The following PCDHA7 variants were observed in gnomAD, a reference collection of about 807,000 sequenced individuals.
PCDHA7 encodes protocadherin alpha-7.
A neutral mutation model predicts 57.2 loss-of-function variants in PCDHA7; 37 were observed. That is an observed-to-expected ratio of 0.65 (90% CI 0.50 to 0.85). The LOEUF is 0.85. PCDHA7 is among the 40% of genes least tolerant of loss of function. The pLI is 0.00. For synonymous variants in PCDHA7, 553 were observed against 558.8 expected, an observed-to-expected ratio of 0.99 and a Z score of 0.15; for missense variants, 1,188 against 1,241.8, an observed-to-expected ratio of 0.96 and a Z score of 0.65.
intron 1 of PCDHA7, chr5:140,927,063 C>T: frequency 6.2e-7 from 1 of 1,611,332 alleles, no homozygotes; most frequent in Non-Finnish European, 8.5e-7. Flanking sequence ...ACTTTCGCTT[C>T]CTTTCCAGCC....
At chr5:140,850,520 G>T (rs782515896) in intron 1 of PCDHA7, 3 of 1,598,186 alleles carry the variant, frequency 1.9e-6, no homozygotes, top group South Asian at 1.1e-5. Context: ...GCGGCCAGGC[G>T]CCAAAGTCAT....
intron 1 of PCDHA7, chr5:140,857,926 C>G (rs1351185942): frequency 2.5e-6 from 4 of 1,597,606 alleles, no homozygotes; most frequent in East Asian, 2.2e-5. Flanking sequence ...TGGGGCTGTA[C>G]ACGGGCGAGA....
chr5:140,875,981 A>G lies in PCDHA7; in HGVS notation c.2355+39243A>G, dbSNP rs200521027. 1.0e-3 allele frequency: 1,684 copies of G among 1,614,052 alleles called. 3 individuals are homozygous for G. Among genetic ancestry groups the G allele is most frequent in the Admixed American group, 1.5e-3 (93 of 60,032 alleles). ...ATCGGCGTAAACTCTCTTTTGACCT[A>G]TGCGTTAAGTCTAAATGAGAATTTT... On this transcript the variant is annotated intron_variant, in intron 1 of 3. Transcript: ENST00000525929.
intron 1 of PCDHA7, chr5:140,969,073 G>A (rs781937942): frequency 1.4e-5 from 23 of 1,613,974 alleles, no homozygotes; most frequent in South Asian, 5.5e-5. Context: ...CCAGGATACC[G>A]CATGGCCTCA....
chr5:140,884,357 A>C, intron 1 of PCDHA7: 1 of 1,613,864 alleles, frequency 6.2e-7, no homozygotes. Context: ...GGTGGATGTC[A>C]ATGTTTACTT....
chr5:140,875,352 T>C lies in PCDHA7; in HGVS notation c.2355+38614T>C, dbSNP rs563345056. ...AATAGGATCGACTCCATAATGACTGTGATGCTGGAAAAAATTTACTAAATA... is the reference window on the plus strand; with the variant it reads ...AATAGGATCGACTCCATAATGACTGCGATGCTGGAAAAAATTTACTAAATA... On this transcript the variant is annotated intron_variant, in intron 1 of 3. Transcript: ENST00000525929. 15 of 1,445,236 alleles carry C rather than the reference T, an allele frequency of 1.0e-5. No individual in the cohort carries two copies. In the African/African-American group the frequency reaches 1.9e-4, roughly 18 times the overall value. The allele number at this position is 1,445,236 out of a possible 1,614,324, so 89.5% of individuals were successfully genotyped here.
At chr5:140,923,104 A>AT (rs2081172107) in intron 1 of PCDHA7, among the ~76,000 whole-genome samples, 1 of 152,194 alleles carries the variant, frequency 6.6e-6, no homozygotes, top group Admixed American at 6.5e-5. Context: ...TGGGAGTATG[A>AT]TTTTAAGTTT....
chr5:141,010,136 CTCTT>C lies in PCDHA7; in HGVS notation c.*203_*206del, dbSNP rs782073868. The C allele has an allele frequency of 1.9e-6, 3 of 1,594,824 alleles. No homozygotes were observed. Among genetic ancestry groups the C allele is most frequent in the Non-Finnish European group, 2.6e-6 (3 of 1,169,724 alleles). On this transcript the variant is annotated 3_prime_UTR_variant, in exon 4 of 4. Transcript: ENST00000525929. ...AAAGCTTTACTAAGTCTGGTGTTAACTCTTTCTCTCCACTCTGGCTTGTTTTCAG... is the reference window on the plus strand; with the variant it reads ...AAAGCTTTACTAAGTCTGGTGTTAACTCTCTCCACTCTGGCTTGTTTTCAG...
At chr5:140,849,723 G>A (rs1554143223) in intron 1 of PCDHA7, 1 of 1,598,414 alleles carries the variant, frequency 6.3e-7, no homozygotes. Flanking sequence ...GTTGGTGCTG[G>A]ACAGAGCTCT....
At chr5:140,862,912 C>T (rs1554157229) in intron 1 of PCDHA7, 1 of 550,038 alleles carries the variant, frequency 1.8e-6, no homozygotes, top group Non-Finnish European at 3.5e-6. Flanking sequence ...GCTGCTGGCG[C>T]CTTGGGTGGG....
intron 1 of PCDHA7, among the ~76,000 whole-genome samples, chr5:140,871,869 T>C (rs1230282991): frequency 6.6e-6 from 1 of 152,230 alleles, no homozygotes; most frequent in Non-Finnish European, 1.5e-5. Context: ...TATGGATTAT[T>C]TAAATTTGCT....
chr5:140,843,097 G>T, intron 1 of PCDHA7: 1 of 1,595,704 alleles, frequency 6.3e-7, no homozygotes, highest in South Asian at 1.1e-5. Flanking sequence ...ACGTGGTAGC[G>T]AAGGTGCGCG....
chr5:140,933,314 G>A (rs925777839), intron 1 of PCDHA7, among the ~76,000 whole-genome samples: 2 of 151,914 alleles, frequency 1.3e-5, no homozygotes, highest in Non-Finnish European at 2.9e-5. Flanking sequence ...ATGCAATCTC[G>A]TATTCTCCTG....
At chr5:140,846,097 A>T (rs1554141144) in intron 1 of PCDHA7, among the ~76,000 whole-genome samples, 4 of 149,760 alleles carry the variant, frequency 2.7e-5, no homozygotes, top group Non-Finnish European at 1.5e-5. Flanking sequence ...CCTTCCAAGG[A>T]ATGTGTAGAC....
intron 1 of PCDHA7, among the ~76,000 whole-genome samples, chr5:140,924,578 T>C (rs80037494): frequency 0.013 from 2,025 of 152,202 alleles, 55 homozygotes; most frequent in Admixed American, 0.052. Flanking sequence ...TTAAATGTTT[T>C]CAAATATTAT....
At chr5:140,957,799 TA>T (rs1430681763) in intron 1 of PCDHA7, among the ~76,000 whole-genome samples, 2 of 152,032 alleles carry the variant, frequency 1.3e-5, no homozygotes, top group African/African-American at 2.4e-5. Context: ...ATATGTTAAG[TA>T]AAAAAAAGTC....
intron 1 of PCDHA7, chr5:140,875,950 G>A: frequency 6.2e-7 from 1 of 1,614,166 alleles, no homozygotes; most frequent in South Asian, 1.1e-5. Flanking sequence ...CGCTTCTGAT[G>A]CGGATATCGG....
chr5:140,847,399 C>T lies in PCDHA7; in HGVS notation c.2355+10661C>T, dbSNP rs114287755. On this transcript the variant is annotated intron_variant, in intron 1 of 3. Coordinates refer to ENST00000525929, the MANE Select transcript of PCDHA7 (RefSeq NM_018910.3). Reference sequence around the variant, plus strand: ...TAAATATGCAAAAACATTAATGGCACAATAAACACTCACGGTTTTGCCTTT... The same window carrying T: ...TAAATATGCAAAAACATTAATGGCATAATAAACACTCACGGTTTTGCCTTT... 2.4e-3 allele frequency: 361 copies of T among 149,562 alleles called. 12 individuals are homozygous for T. Among genetic ancestry groups the T allele is most frequent in the African/African-American group, 8.0e-3 (327 of 40,902 alleles). 9.3% of individuals were successfully genotyped at this position (149,562 alleles called of 1,614,324 possible).
At chr5:140,969,553 G>T in intron 1 of PCDHA7, 1 of 1,229,652 alleles carries the variant, frequency 8.1e-7, no homozygotes, top group Non-Finnish European at 1.1e-6. Flanking sequence ...ATGAAGCCTT[G>T]TCCATAAAAT....
Sources: allele counts gnomAD v4.1 joint callset (sites outside exome capture counted in the v4.1 genomes callset), GRCh38; gene constraint gnomAD v4.1.1; transcripts MANE v1.5; gene names NCBI Gene and HGNC (gene_info 2026-07-23, HGNC 2026-07-21).